SEMA3E: variants seen among roughly 807,000 people sequenced by gnomAD.
SEMA3E encodes the protein semaphorin-3E.
Under a neutral mutation model 93.6 loss-of-function variants are expected in SEMA3E, and 49 were observed. That is an observed-to-expected ratio of 0.52 (90% confidence interval 0.42 to 0.66). The LOEUF is 0.66. Ranked by LOEUF, SEMA3E falls within the 30% of genes least tolerant of loss-of-function variation. The pLI is 0.00. For synonymous variants in SEMA3E, 363 were observed against 330.7 expected (o/e 1.10, Z -1.06); for missense variants, 906 against 964.8 (o/e 0.94, Z 0.81).
intron 1 of SEMA3E, among the ~76,000 whole-genome samples, chr7:83,585,109 T>A (rs56169535): frequency 0.099 from 15,026 of 152,184 alleles, 982 homozygotes; most frequent in East Asian, 0.2. Flanking sequence ...GTTCCCTCCA[T>A]CTGCACAGCT....
chr7:83,553,594 G>T (rs1470508842), intron 1 of SEMA3E, among the ~76,000 whole-genome samples: 1 of 152,028 alleles, frequency 6.6e-6, no homozygotes, highest in Non-Finnish European at 1.5e-5. Flanking sequence ...ATACATGCTT[G>T]TTGAATATAT....
intron 1 of SEMA3E, among the ~76,000 whole-genome samples, chr7:83,519,982 T>A (rs553368892): frequency 1.3e-4 from 20 of 152,108 alleles, no homozygotes; most frequent in Non-Finnish European, 2.6e-4. Flanking sequence ...ATCTAAAGCT[T>A]GTCACATCAT....
intron 10 of SEMA3E, 22 bp downstream of exon 10, chr7:83,402,606 ATTAT>A (rs1562765603): frequency 6.3e-7 from 1 of 1,595,980 alleles, no homozygotes; most frequent in Admixed American, 1.7e-5. Context: ...AAAAATAAGA[ATTAT>A]TTGTTATATA....
intron 16 of SEMA3E, among the ~76,000 whole-genome samples, chr7:83,383,238 CAAAATAA>C (rs1787813041): frequency 2.8e-5 from 1 of 36,016 alleles, no homozygotes. Context: ...GATTTCTTAT[CAAAATAA>C]AGATTTGATA....
intron 1 of SEMA3E, among the ~76,000 whole-genome samples, chr7:83,580,153 T>C (rs1792490713): frequency 6.6e-6 from 1 of 152,078 alleles, no homozygotes; most frequent in Non-Finnish European, 1.5e-5. Flanking sequence ...TAAATCTCTT[T>C]ATCCAAAATG....
chr7:83,579,716 C>A (rs973353456), intron 1 of SEMA3E, among the ~76,000 whole-genome samples: 8 of 152,038 alleles, frequency 5.3e-5, no homozygotes, highest in African/African-American at 1.9e-4. Flanking sequence ...GACAATTATT[C>A]TTTTTCTTTC....
chr7:83,586,095 A>G (rs1792621223), intron 1 of SEMA3E, among the ~76,000 whole-genome samples: 1 of 152,144 alleles, frequency 6.6e-6, no homozygotes, highest in South Asian at 2.1e-4. Context: ...CAAATTATGG[A>G]TCTCTAGATG....
chr7:83,424,898 T>C, intron 4 of SEMA3E: 1 of 279,034 alleles, frequency 3.6e-6, no homozygotes, highest in South Asian at 4.7e-5. Flanking sequence ...AGATGCCTAC[T>C]CAGGAGGTGC....
intron 1 of SEMA3E, among the ~76,000 whole-genome samples, chr7:83,630,159 T>C (rs954216004): frequency 3.3e-5 from 5 of 152,084 alleles, no homozygotes; most frequent in African/African-American, 1.2e-4. Flanking sequence ...GGCACCTCAG[T>C]TGGAAATGCA....
At chr7:83,369,088 C>A (rs916467038) in intron 16 of SEMA3E, among the ~76,000 whole-genome samples, 4 of 152,172 alleles carry the variant, frequency 2.6e-5, no homozygotes, top group African/African-American at 9.6e-5. Context: ...CAAAAACAAT[C>A]ATGTTTTCCT....
intron 1 of SEMA3E, among the ~76,000 whole-genome samples, chr7:83,629,706 G>C (rs932736400): frequency 2.0e-5 from 3 of 152,178 alleles, no homozygotes; most frequent in African/African-American, 7.2e-5. Context: ...TCAAGCCAGT[G>C]TGTCTTAGCT....
At chr7:83,475,835 G>A (rs1246881627) in intron 2 of SEMA3E, among the ~76,000 whole-genome samples, 1 of 152,158 alleles carries the variant, frequency 6.6e-6, no homozygotes, top group Non-Finnish European at 1.5e-5. Context: ...TTCTAGGATT[G>A]CCAGAACATG....
At chr7:83,504,846 A>C (rs912474721) in intron 1 of SEMA3E, among the ~76,000 whole-genome samples, 2 of 152,126 alleles carry the variant, frequency 1.3e-5, no homozygotes, top group Non-Finnish European at 2.9e-5. Context: ...TGAAATATCC[A>C]ATATACATAA....
chr7:83,611,880 C>T (rs904485089), intron 1 of SEMA3E, among the ~76,000 whole-genome samples: 1 of 152,064 alleles, frequency 6.6e-6, no homozygotes, highest in African/African-American at 2.4e-5. Flanking sequence ...TCTTTAATGG[C>T]TTTCCATCAT....
At chr7:83,605,726 C>T (rs1793103027) in intron 1 of SEMA3E, among the ~76,000 whole-genome samples, 1 of 152,130 alleles carries the variant, frequency 6.6e-6, no homozygotes, top group African/African-American at 2.4e-5. Context: ...GCCACTGTGC[C>T]TGGCCATAAA....
intron 3 of SEMA3E, 124 bp downstream of exon 3, chr7:83,469,119 C>A: frequency 1.4e-6 from 1 of 697,744 alleles, no homozygotes; most frequent in Non-Finnish European, 2.5e-6. Flanking sequence ...TATATTTTTT[C>A]TTCATGAACC....
chr7:83,589,230 C>A (rs1208712155), intron 1 of SEMA3E, among the ~76,000 whole-genome samples: 1 of 152,204 alleles, frequency 6.6e-6, no homozygotes, highest in African/African-American at 2.4e-5. Flanking sequence ...TCAACACTTT[C>A]TTTCTTCAGA....
chr7:83,570,867 C>T (rs1405251422), intron 1 of SEMA3E, among the ~76,000 whole-genome samples: 2 of 146,722 alleles, frequency 1.4e-5, no homozygotes, highest in African/African-American at 2.5e-5. Flanking sequence ...AAAGCCATTA[C>T]AACTGAGCCC....
intron 3 of SEMA3E, among the ~76,000 whole-genome samples, chr7:83,468,374 T>C (rs1255558361): frequency 1.3e-5 from 2 of 152,198 alleles, no homozygotes; most frequent in Non-Finnish European, 2.9e-5. Context: ...AGAGGGAACC[T>C]ATTAGACCAC....
Sources: gnomAD v4.1 joint callset for allele counts (sites outside exome capture counted in the v4.1 genomes callset) on GRCh38, gnomAD v4.1.1 for gene constraint, MANE v1.5 for transcripts, NCBI Gene and HGNC (gene_info 2026-07-23, HGNC 2026-07-21) for gene names.